NBEA: variants seen among roughly 807,000 people sequenced by gnomAD.
NBEA encodes neurobeachin, also known as lysosomal-trafficking regulator 2.
NBEA carries 44 observed loss-of-function variants against 343.4 expected under a neutral mutation model. The observed-to-expected ratio is 0.13, with a 90% CI of 0.10 to 0.16. NBEA has a LOEUF of 0.16. Ranked by LOEUF, NBEA falls within the 10% of genes least tolerant of loss-of-function variation. The pLI is 1.00. For missense variants in NBEA, 2,555 were observed against 3,631.3 expected (o/e 0.70, Z 7.62); for synonymous variants, 1,175 against 1,238.7 (o/e 0.95, Z 1.08).
At chr13:35,000,328 T>C (rs2061084168) in intron 1 of NBEA, among the ~76,000 whole-genome samples, 2 of 151,950 alleles carry the variant, frequency 1.3e-5, no homozygotes, top group South Asian at 4.1e-4. Context: ...TACATGGGAA[T>C]TGGGAGAGGA....
chr13:35,077,471 C>T (rs925092216), intron 10 of NBEA, among the ~76,000 whole-genome samples: 3 of 152,032 alleles, frequency 2.0e-5, no homozygotes, highest in Non-Finnish European at 4.4e-5. Flanking sequence ...TACTTTCCTC[C>T]CTTTGAATAA....
At chr13:35,351,223 A>G (rs2040180475) in intron 37 of NBEA, among the ~76,000 whole-genome samples, 1 of 151,914 alleles carries the variant, frequency 6.6e-6, no homozygotes, top group South Asian at 2.1e-4. Context: ...AATGTGAACT[A>G]CTTCTATTTA....
At chr13:35,106,970 C>T (rs2065948827) in intron 11 of NBEA, among the ~76,000 whole-genome samples, 2 of 151,572 alleles carry the variant, frequency 1.3e-5, no homozygotes, top group South Asian at 4.2e-4. Context: ...AGTCTGGTCA[C>T]CTAGCATGTT....
intron 40 of NBEA, among the ~76,000 whole-genome samples, chr13:35,470,402 A>G (rs1297218024): frequency 6.6e-6 from 1 of 151,616 alleles, no homozygotes; most frequent in Non-Finnish European, 1.5e-5. Flanking sequence ...CTCAATTTGG[A>G]TACGTTAAAT....
Position 35,352,180 on chromosome 13 carries a change from T to G in NBEA, c.6036T>G (p.Ala2012=). The change falls in exon 38 of 59, where the codon GCT becomes GCG. Residue 2012 remains alanine, a synonymous_variant. Coordinates refer to ENST00000379939, the MANE Select transcript of NBEA (RefSeq NM_001385012.1). ...AGTCACAGTGTGCCCAATATGCTGC[T>G]GATAGAAGAGAGGAAGAAAAGATGT... is the stretch of plus-strand genomic sequence containing the variant. ...EFESQCAQYA[A]DRREEEKMCD... The G allele has an allele frequency of 6.6e-7, 1 of 1,511,794 alleles. No individual in the cohort carries two copies. The highest frequency in any genetic ancestry group is 8.9e-7 in the Non-Finnish European group (1 of 1,123,090). 93.6% of individuals were successfully genotyped at this position (1,511,794 alleles called of 1,614,324 possible). A position where few individuals can be genotyped will look rare whatever the true frequency, so the allele number is the denominator to read the frequency against.
At chr13:35,430,334 C>G (rs1399274090) in intron 38 of NBEA, among the ~76,000 whole-genome samples, 1 of 151,974 alleles carries the variant, frequency 6.6e-6, no homozygotes, top group African/African-American at 2.4e-5. Context: ...GCTGATTTGT[C>G]TGGATTCCTG....
At chr13:35,180,749 G>A (rs2071258619) in intron 28 of NBEA, among the ~76,000 whole-genome samples, 1 of 151,716 alleles carries the variant, frequency 6.6e-6, no homozygotes, top group Non-Finnish European at 1.5e-5. Flanking sequence ...GTGGCGATTT[G>A]TGAGACTTTG....
intron 6 of NBEA, among the ~76,000 whole-genome samples, chr13:35,052,197 T>G (rs2063087474): frequency 6.6e-6 from 1 of 152,050 alleles, no homozygotes; most frequent in Admixed American, 6.6e-5. Context: ...TTCTCTTGTT[T>G]ATTCCTCTCT....
intron 38 of NBEA, among the ~76,000 whole-genome samples, chr13:35,385,682 G>A (rs191321799): frequency 7.2e-5 from 11 of 152,198 alleles, no homozygotes; most frequent in African/African-American, 2.2e-4. Flanking sequence ...CAGCCTAGGT[G>A]ACAAAGAAAG....
chr13:34,979,371 T>G (rs1168418109), intron 1 of NBEA, among the ~76,000 whole-genome samples: 2 of 152,116 alleles, frequency 1.3e-5, no homozygotes, highest in East Asian at 3.9e-4. Context: ...AAGACAAAAA[T>G]TAGCTGGGCA....
chr13:35,441,016 G>T (rs1318355768), intron 39 of NBEA, among the ~76,000 whole-genome samples: 1 of 152,134 alleles, frequency 6.6e-6, no homozygotes, highest in Non-Finnish European at 1.5e-5. Flanking sequence ...AAATGTTTTG[G>T]TGTTTTAAAA....
At chr13:35,474,368 A>G (rs2075774924) in intron 41 of NBEA, 2 of 152,596 alleles carry the variant, frequency 1.3e-5, no homozygotes, top group African/African-American at 4.8e-5. Context: ...TTCTTTGAAT[A>G]TATTTAAATA....
chr13:34,943,770 A>G (rs1023091507), intron 1 of NBEA, among the ~76,000 whole-genome samples: 22 of 152,198 alleles, frequency 1.4e-4, no homozygotes, highest in African/African-American at 5.1e-4. Flanking sequence ...TTTTGTGCAC[A>G]CAAGGTGTGT....
At chr13:35,607,653 G>A (rs2082331438) in intron 48 of NBEA, among the ~76,000 whole-genome samples, 1 of 151,710 alleles carries the variant, frequency 6.6e-6, no homozygotes. Flanking sequence ...ATTCAAATAA[G>A]GTCCACACAT....
chr13:35,324,259 A>G (rs1051735366), intron 36 of NBEA, among the ~76,000 whole-genome samples: 20 of 152,240 alleles, frequency 1.3e-4, no homozygotes, highest in African/African-American at 3.6e-4. Context: ...TGTGTCATAG[A>G]TTTTAGCCTA....
chr13:35,554,813 A>G (rs984220943), intron 43 of NBEA, among the ~76,000 whole-genome samples, 174 bp from the exon 44 acceptor site: 1 of 152,190 alleles, frequency 6.6e-6, no homozygotes, highest in African/African-American at 2.4e-5. Flanking sequence ...TCTATAATAG[A>G]ATTCTCAAAT....
chr13:35,417,409 G>A (rs577297787), intron 38 of NBEA, among the ~76,000 whole-genome samples: 10 of 152,204 alleles, frequency 6.6e-5, no homozygotes, highest in South Asian at 6.2e-4. Context: ...CGCTTTAAAT[G>A]TGTCCCCGAG....
At chr13:35,058,456 A>G (rs1415264050) in intron 7 of NBEA, among the ~76,000 whole-genome samples, 1 of 152,052 alleles carries the variant, frequency 6.6e-6, no homozygotes. Context: ...TAACTATAGT[A>G]TTTGAAAAGT....
chr13:35,616,522 C>T (rs2082746012), intron 48 of NBEA, among the ~76,000 whole-genome samples: 1 of 152,104 alleles, frequency 6.6e-6, no homozygotes, highest in Non-Finnish European at 1.5e-5. Context: ...TTTAAAAAGT[C>T]TCTTTAAAAA....
Sources: gnomAD v4.1 joint callset for allele counts (sites outside exome capture counted in the v4.1 genomes callset) on GRCh38, gnomAD v4.1.1 for gene constraint, MANE v1.5 for transcripts, NCBI Gene and HGNC (gene_info 2026-07-23, HGNC 2026-07-21) for gene names.